Variants in PPP1CB observed in about 807,000 individuals in gnomAD.
PPP1CB encodes protein phosphatase 1 catalytic subunit beta.
In PPP1CB, 2 loss-of-function variants were observed where a neutral mutation model predicts 43.7. The observed-to-expected ratio is 0.05, with a 90% confidence interval of 0.02 to 0.14. The LOEUF (loss-of-function observed/expected upper bound fraction) is 0.14, where lower values mean the gene tolerates loss of function less well. Among genes scored for constraint, PPP1CB ranks in the 10% least tolerant of loss-of-function variants. The probability of loss-of-function intolerance (pLI) is 1.00; values close to 1 mark genes in which losing one functional copy is unlikely to be tolerated. For synonymous variants in PPP1CB, 136 were observed against 135.6 expected (o/e 1.00, Z -0.02); for missense variants, 84 against 398.0 (o/e 0.21, Z 6.71).
intron 1 of PPP1CB, among the ~76,000 whole-genome samples, chr2:28,752,412 TCGGGGGCCAGGCCCGC>T (rs1457517459): frequency 6.6e-6 from 1 of 152,018 alleles, no homozygotes; most frequent in Non-Finnish European, 1.5e-5. Flanking sequence ...CCGCGGACCC[TCGGGGGCCAGGCCCGC>T]CGGCCGAAGG....
intron 1 of PPP1CB, among the ~76,000 whole-genome samples, chr2:28,773,110 C>G (rs112964668): frequency 2.6e-5 from 4 of 152,260 alleles, no homozygotes; most frequent in African/African-American, 9.6e-5. Flanking sequence ...GTACCTTGAT[C>G]TGGATGATGG....
intron 1 of PPP1CB, among the ~76,000 whole-genome samples, chr2:28,775,317 C>T (rs1667013154): frequency 6.6e-6 from 1 of 152,042 alleles, no homozygotes; most frequent in Admixed American, 6.6e-5. Context: ...TCGTGTTGCC[C>T]AGGGCGATCT....
intron 7 of PPP1CB, among the ~76,000 whole-genome samples, chr2:28,794,707 C>A (rs1220705259): frequency 6.6e-6 from 1 of 151,948 alleles, no homozygotes; most frequent in African/African-American, 2.4e-5. Context: ...AAAATAGTTT[C>A]CTGAGGAAAA....
intron 4 of PPP1CB, chr2:28,782,809 G>C (rs1208175739): frequency 6.6e-6 from 1 of 152,202 alleles, no homozygotes; most frequent in African/African-American, 2.4e-5. Context: ...CAATATACGG[G>C]AAGAATTAAA....
intron 1 of PPP1CB, among the ~76,000 whole-genome samples, chr2:28,759,518 T>C (rs1572444256): frequency 3.1e-5 from 1 of 31,762 alleles, no homozygotes; most frequent in Admixed American, 5.5e-4. Context: ...AGACTGCATC[T>C]CCAAAAAAAA....
chr2:28,793,340 T>A (rs1667426817), intron 6 of PPP1CB, among the ~76,000 whole-genome samples: 1 of 152,222 alleles, frequency 6.6e-6, no homozygotes, highest in Non-Finnish European at 1.5e-5. Context: ...AGCCATGTAA[T>A]AATAATACAT....
Position 28,780,084 on chromosome 2 carries a change from C to CTT in PPP1CB, c.415+1065_415+1066dup, listed in dbSNP as rs10559224. On this transcript the variant is annotated intron_variant, in intron 3 of 7. Transcript: ENST00000395366. Reference sequence around the variant, plus strand: ...TTTTCTTTTTTCTTTTCTTTTCTTTCTTTTTTTTTTTTTTTTTTTTTGAGA... The same window carrying CTT: ...TTTTCTTTTTTCTTTTCTTTTCTTTCTTTTTTTTTTTTTTTTTTTTTTTGAGA... Among the ~76,000 whole-genome samples the CTT allele has an allele frequency of 3.1e-3, 402 of 131,788 alleles. 4 individuals carry two copies. The highest frequency in any genetic ancestry group is 0.012 in the East Asian group (48 of 3,926). The allele number at this position is 131,788 out of a possible 152,430, so 86.5% of individuals were successfully genotyped here.
intron 1 of PPP1CB, among the ~76,000 whole-genome samples, chr2:28,770,088 G>A (rs1666871184): frequency 1.3e-5 from 2 of 152,096 alleles, no homozygotes; most frequent in East Asian, 3.9e-4. Context: ...GGCCAACATG[G>A]TGAAACCCTA....
At chr2:28,751,725 C>T, upstream of PPP1CB, 3 of 244,622 alleles carry the variant, frequency 1.2e-5, no homozygotes, top group East Asian at 1.5e-4. Flanking sequence ...CGGCGGGGAG[C>T]GCACCGCGCG....
chr2:28,769,934 A>G (rs1437834231), intron 1 of PPP1CB, among the ~76,000 whole-genome samples: 1 of 152,186 alleles, frequency 6.6e-6, no homozygotes, highest in Admixed American at 6.5e-5. Flanking sequence ...AGAATGGTAG[A>G]CTTAAACTCA....
At chr2:28,751,641 A>T (rs2148448009), upstream of PPP1CB, 1 of 177,030 alleles carries the variant, frequency 5.6e-6, no homozygotes, top group African/African-American at 2.4e-5. Flanking sequence ...AGGGCGACGC[A>T]CCTGCGCGAA....
chr2:28,788,789 T>G lies in PPP1CB; in HGVS notation c.724T>G (p.Leu242Val). The part of the protein sequence containing the change: ...SKFLNRHDLD[L>V]ICRAHQVVED... ...ATTTCTGAATCGTCATGATTTAGAT[T>G]TGATTTGTCGAGCTCATCAGGTATG... The change falls in exon 6 of 8, where the codon TTG becomes GTG. Residue 242 changes from leucine to valine, a missense_variant. Physicochemically the swap from Leu to Val is conservative, Grantham distance 32 (BLOSUM62 1). This residue lies in a region of PPP1CB where 11 missense variants were observed against 17.3 expected (regional missense o/e 0.64). Coordinates refer to ENST00000395366, the MANE Select transcript of PPP1CB (RefSeq NM_002709.3). 1 of 1,611,018 alleles carries G rather than the reference T, an allele frequency of 6.2e-7. No individual in the cohort carries two copies. Among genetic ancestry groups the G allele is most frequent in the South Asian group, 1.1e-5 (1 of 90,114 alleles).
In PPP1CB at chr2:28,800,226, C is replaced by CTTTCTTTTT. The variant is rs1553312779; in HGVS notation, c.*926_*927insCTTTTTTTT. On this transcript the variant is annotated 3_prime_UTR_variant, in exon 8 of 8. Coordinates refer to ENST00000395366, the MANE Select transcript of PPP1CB (RefSeq NM_002709.3). The stretch of plus-strand genomic sequence containing the variant: ...TTGGTTTTCTTTTTCTTTTTTCTTT[C>CTTTCTTTTT]TTTTTTTTTTTTTTTTTTTTTTTGA... 4.6e-5 allele frequency: 3 copies of CTTTCTTTTT among 65,628 alleles called. No individual in the cohort carries two copies. Among genetic ancestry groups the CTTTCTTTTT allele is most frequent in the African/African-American group, 1.9e-4 (3 of 15,760 alleles). 4.1% of individuals were successfully genotyped at this position (65,628 alleles called of 1,614,324 possible). A position where few individuals can be genotyped will look rare whatever the true frequency, so the allele number is the denominator to read the frequency against.
At chr2:28,787,417 C>G (rs1167012015) in intron 5 of PPP1CB, among the ~76,000 whole-genome samples, 1 of 152,204 alleles carries the variant, frequency 6.6e-6, no homozygotes, top group African/African-American at 2.4e-5. Context: ...AGAGATTGCA[C>G]CACTGCATCC....
At chr2:28,766,627 A>G (rs886328539) in intron 1 of PPP1CB, among the ~76,000 whole-genome samples, 1 of 152,230 alleles carries the variant, frequency 6.6e-6, no homozygotes, top group Non-Finnish European at 1.5e-5. Context: ...TCGAATGAGG[A>G]TTGGCTCCCC....
At chr2:28,778,389 T>C in intron 2 of PPP1CB, 2 of 471,960 alleles carry the variant, frequency 4.2e-6, no homozygotes, top group South Asian at 3.1e-5. Context: ...TGGCTCTGGG[T>C]CTCTCACAAG....
intron 5 of PPP1CB, among the ~76,000 whole-genome samples, chr2:28,786,315 T>G (rs1182862049): frequency 3.3e-5 from 5 of 151,996 alleles, no homozygotes; most frequent in Non-Finnish European, 7.4e-5. Flanking sequence ...GGTTTCACCA[T>G]GTTGGCCAGG....
chr2:28,791,223 A>G (rs1457296533), intron 6 of PPP1CB, among the ~76,000 whole-genome samples: 1 of 150,646 alleles, frequency 6.6e-6, no homozygotes, highest in African/African-American at 2.4e-5. Flanking sequence ...TTCTTTGCTT[A>G]TTGTATATTA....
At chr2:28,786,214 A>G (rs1431930041) in intron 5 of PPP1CB, among the ~76,000 whole-genome samples, 1 of 152,068 alleles carries the variant, frequency 6.6e-6, no homozygotes, top group African/African-American at 2.4e-5. Context: ...CCCAGGTTCA[A>G]GCAGTTCTCT....
Sources: gnomAD v4.1 joint callset for allele counts (sites outside exome capture counted in the v4.1 genomes callset) on GRCh38, gnomAD v4.1.1 for gene constraint, gnomAD v4.1.1 regional missense constraint, MANE v1.5 for transcripts, NCBI Gene and HGNC (gene_info 2026-07-23, HGNC 2026-07-21) for gene names.